Variants in DZIP3 observed in about 807,000 individuals in gnomAD.
DZIP3 encodes DAZ interacting zinc finger protein 3.
In DZIP3, 118 loss-of-function variants were observed where a neutral mutation model predicts 162.0. The ratio of observed to expected loss-of-function variants is 0.73; its 90% CI spans 0.63 to 0.85. The LOEUF is 0.85. Ranked by LOEUF, DZIP3 falls within the 40% of genes least tolerant of loss-of-function variation. The pLI is 0.00. For synonymous variants in DZIP3, 438 were observed against 458.6 expected (o/e 0.96, Z 0.57); for missense variants, 1,331 against 1,407.0 (o/e 0.95, Z 0.86).
At chr3:108,658,023 T>C in intron 19 of DZIP3, among the ~76,000 whole-genome samples, 1 of 141,176 alleles carries the variant, frequency 7.1e-6, no homozygotes, top group East Asian at 1.9e-4. Context: ...AGACTTAGAC[T>C]CCCACACAAT....
chr3:108,673,932 G>T lies in DZIP3; in HGVS notation c.2590-146G>T, dbSNP rs1035248731. ...AGGTGGCATTGATTTAAAAGCTTTT[G>T]TAATGTATCTTGAATGGTCAAGGAA... is the stretch of plus-strand genomic sequence containing the variant. On this transcript the variant is annotated intron_variant, in intron 23 of 32. Coordinates refer to ENST00000361582, the MANE Select transcript of DZIP3 (RefSeq NM_014648.4). The T allele has an allele frequency of 1.2e-5, 7 of 592,892 alleles. No individual in the cohort carries two copies. In the African/African-American group the frequency reaches 1.3e-4, roughly 11 times the overall value. 36.7% of individuals were successfully genotyped at this position (592,892 alleles called of 1,614,324 possible).
intron 4 of DZIP3, among the ~76,000 whole-genome samples, chr3:108,613,343 A>G (rs996273558): frequency 6.6e-6 from 1 of 152,172 alleles, no homozygotes; most frequent in African/African-American, 2.4e-5. Context: ...TAAGAAAAGT[A>G]TGAAGGAGTA....
intron 14 of DZIP3, 145 bp from the exon 15 acceptor site, chr3:108,646,472 G>A: frequency 1.5e-6 from 1 of 657,204 alleles, no homozygotes; most frequent in Non-Finnish European, 2.7e-6. Context: ...TGTCTAAACT[G>A]GATTGATGAG....
chr3:108,652,042 AGTTTT>A (rs149146371), intron 18 of DZIP3, among the ~76,000 whole-genome samples: 21,456 of 151,574 alleles, frequency 0.14, 1,627 homozygotes, highest in South Asian at 0.27. Flanking sequence ...CTGGAGCAAT[AGTTTT>A]GTTTTGTTTT....
In DZIP3 at chr3:108,675,816, G is replaced by T. The variant is rs191237968; in HGVS notation, c.2724G>T (p.Ala908=). 6.2e-7 allele frequency: 1 copy of T among 1,609,628 alleles called. No individual in the cohort carries two copies. Among genetic ancestry groups the T allele is most frequent in the South Asian group, 1.1e-5 (1 of 90,610 alleles). Residue 908 remains alanine, a synonymous_variant, in exon 25 of 33, where the codon GCG becomes GCT. Transcript: ENST00000361582. ...TAGAATCACTTCAATTAAAGGCTGC[G>T]GTAGACAGTTGGAATGCCATTGTGG... ...SNLESLQLKA[A]VDSWNAIVAD...
chr3:108,662,184 C>A lies in DZIP3; in HGVS notation c.2350C>A (p.Gln784Lys). 6.2e-7 allele frequency: 1 copy of A among 1,608,974 alleles called. No homozygotes were observed. The highest frequency in any genetic ancestry group is 2.2e-5 in the East Asian group (1 of 44,766). The stretch of plus-strand genomic sequence containing the variant: ...TTTTCGGTGGCAAGAAAACCAAATG[C>A]AGATTAAAAAGAAAGACAAAATTAT... Reference protein sequence around the residue: ...VTFRWQENQMQIKKKDKIIAS... With the variant: ...VTFRWQENQMKIKKKDKIIAS... Residue 784 changes from glutamine to lysine, a missense_variant, in exon 21 of 33, where the codon CAG (glutamine) becomes AAG (lysine). Gln to Lys is a moderately conservative substitution (Grantham distance 53, BLOSUM62 1). This residue lies in a region of DZIP3 where 1,278 missense variants were observed against 1,317.1 expected (regional missense o/e 0.97). Transcript: ENST00000361582.
Position 108,688,845 on chromosome 3 carries a change from A to ACTT in DZIP3, c.3437_3438insCTT (p.Glu1146delinsAspLeu). 6.2e-7 allele frequency: 1 copy of ACTT among 1,614,192 alleles called. No homozygotes were observed. The highest frequency in any genetic ancestry group is 1.6e-4 in the Middle Eastern group (1 of 6,062). Reference sequence around the variant, plus strand: ...TAGGATGAGGAAGAGGAAGAAGAAGAGCCTTGTGTGATCTGTCATGAGAAT... The same window carrying ACTT: ...TAGGATGAGGAAGAGGAAGAAGAAGACTTGCCTTGTGTGATCTGTCATGAGAAT... On this transcript the variant is annotated protein_altering_variant, in exon 31 of 33. Coordinates refer to ENST00000361582, the MANE Select transcript of DZIP3 (RefSeq NM_014648.4).
intron 1 of DZIP3, among the ~76,000 whole-genome samples, chr3:108,600,055 A>G (rs1433965243): frequency 6.6e-6 from 1 of 152,212 alleles, no homozygotes; most frequent in East Asian, 1.9e-4. Context: ...TCCTATCACA[A>G]AATGTCCTGC....
intron 14 of DZIP3, 110 bp from the exon 15 acceptor site, chr3:108,646,507 C>T (rs1942626840): frequency 2.6e-6 from 2 of 772,224 alleles, no homozygotes; most frequent in Non-Finnish European, 4.5e-6. Context: ...TTTCCAGTTA[C>T]TTACAGAATA....
At chr3:108,620,714 T>A (rs982299680) in intron 5 of DZIP3, among the ~76,000 whole-genome samples, 1 of 152,232 alleles carries the variant, frequency 6.6e-6, no homozygotes, top group African/African-American at 2.4e-5. Flanking sequence ...TCCACATGGT[T>A]TAATTTTTCA....
chr3:108,669,638 A>T (rs1283048787), intron 21 of DZIP3, 43 bp from the exon 22 acceptor site: 1 of 1,575,392 alleles, frequency 6.3e-7, no homozygotes, highest in East Asian at 2.2e-5. Flanking sequence ...GTTAATGAGA[A>T]ATAATTTCTA....
intron 19 of DZIP3, among the ~76,000 whole-genome samples, chr3:108,657,723 G>C (rs1394296394): frequency 1.3e-5 from 2 of 152,104 alleles, no homozygotes; most frequent in East Asian, 1.9e-4. Context: ...AGATCCATCA[G>C]TGTGCTGTAT....
rs769497205 is a variant in DZIP3, at chr3:108,647,959, G to T, written c.1809G>T (p.Glu603Asp). The T allele has an allele frequency of 6.4e-7, 1 of 1,567,596 alleles. No individual in the cohort carries two copies. Among genetic ancestry groups the T allele is most frequent in the South Asian group, 1.2e-5 (1 of 82,144 alleles). ...TATGTTTAGGTATTGAAATAGAAGAGTTACAGAATGAGGAAGAAGAACTAA... is the reference window on the plus strand; with the variant it reads ...TATGTTTAGGTATTGAAATAGAAGATTTACAGAATGAGGAAGAAGAACTAA... ...ITGSQRIEIEELQNEEEELSP... is the reference protein window; with the variant it reads ...ITGSQRIEIEDLQNEEEELSP... The change falls in exon 16 of 33, where the codon GAG becomes GAT. Residue 603 changes from glutamate to aspartate, a missense_variant. Transcript: ENST00000361582.
In DZIP3 at chr3:108,629,098, A is replaced by G. The variant is rs1941713542; in HGVS notation, c.618A>G (p.Leu206=). 5 of 1,603,878 alleles carry G rather than the reference A, an allele frequency of 3.1e-6. No individual in the cohort carries two copies. Among genetic ancestry groups the G allele is most frequent in the Non-Finnish European group, 4.2e-6 (5 of 1,176,780 alleles). Reference sequence around the variant, plus strand: ...GACTGCTAGAATTTCATAAAAGCTTACAAGAAATTGGAGACAAAAATGACC... The same window carrying G: ...GACTGCTAGAATTTCATAAAAGCTTGCAAGAAATTGGAGACAAAAATGACC... The part of the protein sequence containing the change: ...NGGLLEFHKS[L]QEIGDKNDHW... The change falls in exon 8 of 33, where the codon TTA becomes TTG. Residue 206 remains leucine, a synonymous_variant. Transcript: ENST00000361582.
chr3:108,644,669 A>C lies in DZIP3; in HGVS notation c.1647A>C (p.Lys549Asn), dbSNP rs1164695244. The C allele has an allele frequency of 6.2e-7, 1 of 1,613,980 alleles. No homozygotes were observed. The highest frequency in any genetic ancestry group is 1.7e-5 in the Admixed American group (1 of 60,020). ...GGATGATGCAAGAGGATATTGACAA[A>C]GTGAAGGAGAATCCCATTGAGAATA... The part of the protein sequence containing the change: ...RLGMMQEDID[K>N]VKENPIENIS... Residue 549 changes from lysine (K) to asparagine (N), a missense_variant, in exon 14 of 33, where the codon AAA becomes AAC. By Grantham distance (94) the Lys-to-Asn change is moderately conservative (BLOSUM62 0). Coordinates refer to ENST00000361582, the MANE Select transcript of DZIP3 (RefSeq NM_014648.4).
At position 108,647,990 on chromosome 3, in the gene DZIP3, C is replaced by T. The variant is rs1173709019; in HGVS notation, c.1840C>T (p.Pro614Ser). ...GAATGAGGAAGAAGAACTAAGTCCA[C>T]CTCTCATGGAGTACAATATAAATGT... Reference protein sequence around the residue: ...LQNEEEELSPPLMEYNINVKS... With the variant: ...LQNEEEELSPSLMEYNINVKS... The change falls in exon 16 of 33, where the codon CCT becomes TCT. Residue 614 changes from proline to serine, a missense_variant. Pro to Ser is a moderately conservative substitution (Grantham distance 74, BLOSUM62 -1). Coordinates refer to ENST00000361582, the MANE Select transcript of DZIP3 (RefSeq NM_014648.4). The T allele has an allele frequency of 6.3e-7, 1 of 1,597,772 alleles. No homozygotes were observed. The highest frequency in any genetic ancestry group is 1.4e-5 in the African/African-American group (1 of 73,808).
intron 8 of DZIP3, 58 bp downstream of exon 8, chr3:108,629,234 A>G (rs1026336879): frequency 9.1e-7 from 1 of 1,102,480 alleles, no homozygotes; most frequent in East Asian, 2.6e-5. Flanking sequence ...AACCAACTAT[A>G]TCATATTCTT....
chr3:108,644,760 A>T lies in DZIP3; in HGVS notation c.1738A>T (p.Met580Leu), dbSNP rs981658186. 1 of 1,602,640 alleles carries T rather than the reference A, an allele frequency of 6.2e-7. No homozygotes were observed. ...GIPVPEIIQR[M>L]LSCYQQGIAL... ...ACCAGTACCAGAAATCATACAGAGG[A>T]TGTTATCCTGCTATCAACAAGGTAC... The change falls in exon 14 of 33, where the codon ATG (methionine) becomes TTG (leucine). Residue 580 changes from methionine to leucine, a missense_variant. By Grantham distance (15) the Met-to-Leu change is conservative (BLOSUM62 2). Coordinates refer to ENST00000361582, the MANE Select transcript of DZIP3 (RefSeq NM_014648.4).
In DZIP3 at chr3:108,688,093, T is replaced by C; in HGVS notation, c.3267T>C (p.Ser1089=). 6.2e-7 allele frequency: 1 copy of C among 1,613,172 alleles called. No homozygotes were observed. The highest frequency in any genetic ancestry group is 8.5e-7 in the Non-Finnish European group (1 of 1,179,406). ...KISQFIDPKK[S]QSQGKSVSNV... ...CCCAGTTTATTGACCCCAAAAAGTCTCAGGTAAAATGCAAAAACAACCAAA... is the reference window on the plus strand; with the variant it reads ...CCCAGTTTATTGACCCCAAAAAGTCCCAGGTAAAATGCAAAAACAACCAAA... Residue 1089 remains serine (S), a synonymous_variant, in exon 29 of 33, where the codon TCT becomes TCC. Transcript: ENST00000361582.
Sources: allele counts gnomAD v4.1 joint callset (sites outside exome capture counted in the v4.1 genomes callset), GRCh38; gene constraint gnomAD v4.1.1; regional missense constraint gnomAD v4.1.1; transcripts MANE v1.5; gene names NCBI Gene and HGNC (gene_info 2026-07-23, HGNC 2026-07-21).